ERBB4: variants seen among roughly 807,000 people sequenced by gnomAD.
ERBB4 encodes erb-b2 receptor tyrosine kinase 4.
In ERBB4, 42 loss-of-function variants were observed where a neutral mutation model predicts 158.0. The ratio of observed to expected loss-of-function variants is 0.27; its 90% confidence interval spans 0.21 to 0.34. The LOEUF (loss-of-function observed/expected upper bound fraction) is 0.34, where lower values mean the gene tolerates loss of function less well. ERBB4 is among the 10% of genes least tolerant of loss of function. The pLI is 1.00. For synonymous variants in ERBB4, 583 were observed against 558.7 expected (o/e 1.04, Z -0.61); for missense variants, 1,333 against 1,624.1 (o/e 0.82, Z 3.08).
At chr2:211,642,938 C>T (rs2070651301) in intron 16 of ERBB4, among the ~76,000 whole-genome samples, 1 of 152,064 alleles carries the variant, frequency 6.6e-6, no homozygotes, top group African/African-American at 2.4e-5. Context: ...TTAACATTTG[C>T]TTATTCCAGC....
At chr2:212,270,453 T>C (rs2085302060) in intron 1 of ERBB4, among the ~76,000 whole-genome samples, 1 of 151,730 alleles carries the variant, frequency 6.6e-6, no homozygotes, top group Non-Finnish European at 1.5e-5. Flanking sequence ...CTCTCAGTGA[T>C]TCCTCCTCCC....
At chr2:211,410,729 T>G (rs995722955) in intron 25 of ERBB4, among the ~76,000 whole-genome samples, 1 of 152,192 alleles carries the variant, frequency 6.6e-6, no homozygotes, top group Non-Finnish European at 1.5e-5. Flanking sequence ...CAATTTTGTT[T>G]GTAATTCCTA....
chr2:212,497,100 C>A (rs1375951390), intron 1 of ERBB4, among the ~76,000 whole-genome samples: 1 of 151,156 alleles, frequency 6.6e-6, no homozygotes, highest in Non-Finnish European at 1.5e-5. Context: ...ATCACTTCAA[C>A]CCAGGAGGCG....
At chr2:212,107,031 T>C (rs578038443) in intron 2 of ERBB4, among the ~76,000 whole-genome samples, 22 of 152,238 alleles carry the variant, frequency 1.4e-4, no homozygotes, top group Non-Finnish European at 2.8e-4. Flanking sequence ...AGGGAAGTGC[T>C]GAAGGGAAAT....
chr2:212,290,471 A>C lies in ERBB4; in HGVS notation c.83-165568T>G, dbSNP rs111561762. ...CTAGATTCAGACTTCAGTGGAAGGA[A>C]GAAATAATCTCTCTTGTTTAATAGC... On this transcript the variant is annotated intron_variant, in intron 1 of 27. Transcript: ENST00000342788. 5.1e-3 allele frequency among the ~76,000 whole-genome samples: 770 copies of C among 152,302 alleles called. 6 individuals are homozygous for C. The highest frequency in any genetic ancestry group is 0.017 in the African/African-American group (726 of 41,574).
chr2:211,659,958 G>A (rs1278175878), intron 15 of ERBB4, among the ~76,000 whole-genome samples: 1 of 152,172 alleles, frequency 6.6e-6, no homozygotes, highest in Non-Finnish European at 1.5e-5. Context: ...GAGGTAAGAA[G>A]CTGAAATTTA....
chr2:211,578,915 C>G (rs187780395), intron 19 of ERBB4, among the ~76,000 whole-genome samples: 1 of 151,634 alleles, frequency 6.6e-6, no homozygotes, highest in African/African-American at 2.4e-5. Context: ...ATGAAATCAC[C>G]GAAAGCAATT....
At chr2:211,839,777 A>G (rs1304802391) in intron 3 of ERBB4, among the ~76,000 whole-genome samples, 3 of 152,148 alleles carry the variant, frequency 2.0e-5, no homozygotes, top group African/African-American at 7.2e-5. Flanking sequence ...TTACATTCAT[A>G]TTACGTGTAG....
At chr2:211,913,617 A>ATGTGTGTGTGTGTGTG (rs879271352) in intron 3 of ERBB4, among the ~76,000 whole-genome samples, 9 of 118,492 alleles carry the variant, frequency 7.6e-5, no homozygotes, top group African/African-American at 2.8e-4. Context: ...ATATATATAT[A>ATGTGTGTGTGTGTGTG]TATGTGTGTG....
At chr2:212,374,555 C>T (rs10186360) in intron 1 of ERBB4, among the ~76,000 whole-genome samples, 25,873 of 151,764 alleles carry the variant, frequency 0.17, 2,518 homozygotes, top group South Asian at 0.26. Context: ...ACATATCATT[C>T]ATGTTTTTAG....
chr2:212,156,880 G>A (rs769256614), intron 1 of ERBB4, among the ~76,000 whole-genome samples: 1 of 151,912 alleles, frequency 6.6e-6, no homozygotes, highest in East Asian at 1.9e-4. Flanking sequence ...TTCACTTCCC[G>A]TAGGCCCACT....
intron 1 of ERBB4, among the ~76,000 whole-genome samples, chr2:212,528,384 A>G (rs1356407410): frequency 1.3e-5 from 2 of 152,162 alleles, no homozygotes; most frequent in East Asian, 3.9e-4. Context: ...CTAGTGCACC[A>G]GTTAGGCTTC....
At chr2:211,763,189 C>T (rs1288400871) in intron 4 of ERBB4, among the ~76,000 whole-genome samples, 1 of 151,996 alleles carries the variant, frequency 6.6e-6, no homozygotes, top group African/African-American at 2.4e-5. Context: ...TTTATCCTGT[C>T]AGAATAGTCA....
intron 2 of ERBB4, among the ~76,000 whole-genome samples, chr2:211,982,072 TGCA>T (rs1237494089): frequency 6.6e-6 from 1 of 151,934 alleles, no homozygotes; most frequent in Non-Finnish European, 1.5e-5. Context: ...TATTTTAAAA[TGCA>T]GCAGCAATAT....
chr2:211,612,056 A>G (rs2069220756), intron 19 of ERBB4, among the ~76,000 whole-genome samples: 1 of 152,170 alleles, frequency 6.6e-6, no homozygotes, highest in Admixed American at 6.5e-5. Flanking sequence ...TAAATTCAAG[A>G]CAGATCTTAA....
intron 2 of ERBB4, among the ~76,000 whole-genome samples, chr2:212,037,242 C>T (rs577543712): frequency 2.5e-3 from 386 of 152,208 alleles, no homozygotes; most frequent in African/African-American, 8.6e-3. Flanking sequence ...GGGAAGTTGG[C>T]ACTTAGCCTA....
At chr2:212,306,821 C>A (rs879428665) in intron 1 of ERBB4, among the ~76,000 whole-genome samples, 1 of 150,950 alleles carries the variant, frequency 6.6e-6, no homozygotes, top group Non-Finnish European at 1.5e-5. Context: ...AATTTACTTA[C>A]CCAAAGTTAT....
chr2:212,475,761 A>C (rs1188644387), intron 1 of ERBB4, among the ~76,000 whole-genome samples: 3 of 152,192 alleles, frequency 2.0e-5, no homozygotes, highest in African/African-American at 7.2e-5. Context: ...AATTAGAACA[A>C]AAGTTATTGG....
At chr2:212,096,313 T>A (rs2078931829) in intron 2 of ERBB4, among the ~76,000 whole-genome samples, 1 of 151,990 alleles carries the variant, frequency 6.6e-6, no homozygotes, top group African/African-American at 2.4e-5. Context: ...TTTGTGCAAG[T>A]CAAATTACAA....
Sources: gnomAD v4.1 joint callset for allele counts (sites outside exome capture counted in the v4.1 genomes callset) on GRCh38, gnomAD v4.1.1 for gene constraint, MANE v1.5 for transcripts, NCBI Gene and HGNC (gene_info 2026-07-23, HGNC 2026-07-21) for gene names.